Variants in NALCN observed in about 807,000 individuals in gnomAD.
The protein encoded by NALCN is sodium leak channel, non-selective.
Under a neutral mutation model 225.3 loss-of-function variants are expected in NALCN, and 111 were observed. That is an observed-to-expected ratio of 0.49 (90% CI 0.42 to 0.58). The LOEUF (loss-of-function observed/expected upper bound fraction) is 0.58. NALCN is among the 20% of genes least tolerant of loss of function. The pLI, the probability that NALCN is intolerant of heterozygous loss-of-function variation, is 0.00. For synonymous variants in NALCN, 764 were observed against 769.0 expected (o/e 0.99, Z 0.11); for missense variants, 1,378 against 2,202.4 (o/e 0.63, Z 7.49).
chr13:101,115,610 T>C (rs1594237425), intron 18 of NALCN, among the ~76,000 whole-genome samples: 1 of 152,350 alleles, frequency 6.6e-6, no homozygotes, highest in East Asian at 1.9e-4. Context: ...TGTTATATTT[T>C]GCCACTTTAC....
chr13:101,086,978 A>C (rs2139533993), intron 30 of NALCN, among the ~76,000 whole-genome samples: 1 of 152,280 alleles, frequency 6.6e-6, no homozygotes, highest in Non-Finnish European at 1.5e-5. Flanking sequence ...TTATACATAA[A>C]AAAAATTTTG....
chr13:101,226,870 T>C (rs1454561383), intron 13 of NALCN, among the ~76,000 whole-genome samples: 2 of 152,176 alleles, frequency 1.3e-5, no homozygotes, highest in African/African-American at 4.8e-5. Context: ...GATGAGGCAC[T>C]TTCCTCCATG....
At chr13:101,286,696 T>C (rs2043349675) in intron 9 of NALCN, among the ~76,000 whole-genome samples, 1 of 152,274 alleles carries the variant, frequency 6.6e-6, no homozygotes, top group African/African-American at 2.4e-5. Flanking sequence ...AGAATGTCCA[T>C]TAATTTTTTT....
At chr13:101,157,271 C>T (rs904111169) in intron 15 of NALCN, among the ~76,000 whole-genome samples, 1 of 152,102 alleles carries the variant, frequency 6.6e-6, no homozygotes, top group African/African-American at 2.4e-5. Context: ...GCTGAGAGAG[C>T]CTAGAAACAC....
At chr13:101,356,915 T>G (rs543704154) in intron 6 of NALCN, among the ~76,000 whole-genome samples, 1 of 152,252 alleles carries the variant, frequency 6.6e-6, no homozygotes, top group South Asian at 2.1e-4. Context: ...ATTCATCACA[T>G]AAACAGAACC....
At chr13:101,103,870 T>C (rs1413960077) in intron 25 of NALCN, among the ~76,000 whole-genome samples, 1 of 152,180 alleles carries the variant, frequency 6.6e-6, no homozygotes, top group Non-Finnish European at 1.5e-5. Context: ...TTTTATGCAA[T>C]GGAATCAGGA....
chr13:101,178,110 T>C (rs1292242745), intron 14 of NALCN, among the ~76,000 whole-genome samples: 2 of 152,206 alleles, frequency 1.3e-5, no homozygotes, highest in Non-Finnish European at 2.9e-5. Context: ...TTTTAAAGTT[T>C]GCTCCATGTT....
intron 5 of NALCN, 29 bp from the exon 6 acceptor site, chr13:101,376,857 T>C (rs2046706462): frequency 6.2e-7 from 1 of 1,612,796 alleles, no homozygotes. Context: ...GTAAAGTACA[T>C]AAAACTTACA....
Position 101,102,560 on chromosome 13 carries a change from T to C in NALCN, c.3057+612A>G, listed in dbSNP as rs115261179. Among the ~76,000 whole-genome samples the C allele has an allele frequency of 6.7e-3, 1,021 of 152,296 alleles. 11 individuals carry two copies. Among genetic ancestry groups the C allele is most frequent in the African/African-American group, 0.023 (966 of 41,556 alleles). ...GAACAATGAGCCTCTTTCTTGTTGT[T>C]TTATCTCTGACCTTGTTTTCAGAAG... is the stretch of plus-strand genomic sequence containing the variant. On this transcript the variant is annotated intron_variant, in intron 26 of 43. Transcript: ENST00000251127.
chr13:101,128,453 C>A (rs16958431), intron 17 of NALCN, among the ~76,000 whole-genome samples: 9 of 152,140 alleles, frequency 5.9e-5, no homozygotes, highest in Non-Finnish European at 1.3e-4. Flanking sequence ...ATGAATCTTG[C>A]TGATTTTTTG....
chr13:101,228,776 A>T lies in NALCN; in HGVS notation c.1626+617T>A, dbSNP rs537546233. On this transcript the variant is annotated intron_variant, in intron 13 of 43. Transcript: ENST00000251127. ...TTCAACTTAGGGTAAAAATATATAC[A>T]TTATTTGTCTGGTCATTGTATTTTT... Among the ~76,000 whole-genome samples, 6 of 152,292 alleles carry T rather than the reference A, an allele frequency of 3.9e-5. No homozygotes were observed. The South Asian group carries it at 1.2e-3, about 32-fold the overall frequency.
At chr13:101,073,774 G>T in intron 36 of NALCN, 97 bp from the exon 37 acceptor site, 1 of 1,031,404 alleles carries the variant, frequency 9.7e-7, no homozygotes, top group Non-Finnish European at 1.4e-6. Context: ...GGAGGTTGTA[G>T]CAAATTTGGT....
At chr13:101,347,034 G>T (rs966144541) in intron 6 of NALCN, among the ~76,000 whole-genome samples, 1 of 151,670 alleles carries the variant, frequency 6.6e-6, no homozygotes, top group African/African-American at 2.4e-5. Context: ...ATGTTCAGTT[G>T]CTGCTTCCAT....
rs1299724085 is a variant in NALCN at position 101,345,325 on chromosome 13, T to C, written c.740A>G (p.Asp247Gly). 1.2e-6 allele frequency: 2 copies of C among 1,613,810 alleles called. No individual in the cohort carries two copies. Among genetic ancestry groups the C allele is most frequent in the South Asian group, 1.1e-5 (1 of 91,060 alleles). ...CCTGCTAAGTCCCAGATCTTCAAGG[T>C]CCATGCATTTAAATCCAGGTGGGCA... ...YQCPPGFKCM[D>G]LEDLGLSRQE... Residue 247 changes from aspartate (D) to glycine (G), a missense_variant, in exon 7 of 44, where the codon GAC becomes GGC. By Grantham distance (94) the Asp-to-Gly change is moderately conservative. This residue lies in a region of NALCN where 67 missense variants were observed against 82.1 expected (regional missense o/e 0.82). Transcript: ENST00000251127.
chr13:101,278,522 C>CAAAAAAAAA (rs3061766), intron 10 of NALCN, among the ~76,000 whole-genome samples: 4 of 87,474 alleles, frequency 4.6e-5, no homozygotes, highest in Non-Finnish European at 6.4e-5. Flanking sequence ...GACTCTGTCT[C>CAAAAAAAAA]AAAAAAAAAA....
chr13:101,146,792 C>T (rs766303494), intron 15 of NALCN, among the ~76,000 whole-genome samples: 6 of 152,162 alleles, frequency 3.9e-5, no homozygotes, highest in Non-Finnish European at 8.8e-5. Flanking sequence ...AAATAAGTCA[C>T]TGCACTCGCC....
At chr13:101,221,613 C>A (rs1165824269) in intron 13 of NALCN, among the ~76,000 whole-genome samples, 3 of 152,124 alleles carry the variant, frequency 2.0e-5, no homozygotes, top group Non-Finnish European at 4.4e-5. Flanking sequence ...GATTTTGCTG[C>A]AATATGTGGA....
At chr13:101,129,035 C>G (rs1047772967) in intron 17 of NALCN, among the ~76,000 whole-genome samples, 5 of 152,200 alleles carry the variant, frequency 3.3e-5, no homozygotes, top group African/African-American at 1.2e-4. Flanking sequence ...TCGAAAGGAA[C>G]AGAGTGTGTG....
At chr13:101,412,050 G>A (rs978249739) in intron 1 of NALCN, among the ~76,000 whole-genome samples, 1 of 152,184 alleles carries the variant, frequency 6.6e-6, no homozygotes, top group Non-Finnish European at 1.5e-5. Context: ...CAATGATGGT[G>A]AAATATTTTT....
Sources: gnomAD v4.1 joint callset for allele counts (sites outside exome capture counted in the v4.1 genomes callset) on GRCh38, gnomAD v4.1.1 for gene constraint, gnomAD v4.1.1 regional missense constraint, MANE v1.5 for transcripts, NCBI Gene and HGNC (gene_info 2026-07-23, HGNC 2026-07-21) for gene names.